The following SPATA17 variants were observed in gnomAD, a reference collection of about 807,000 sequenced individuals.
SPATA17 encodes the protein spermatogenesis associated 17.
Under a neutral mutation model 62.2 loss-of-function variants are expected in SPATA17, and 53 were observed. The observed-to-expected ratio is 0.85, with a 90% CI of 0.68 to 1.07. SPATA17 has a LOEUF of 1.07. Ranked by LOEUF, SPATA17 falls within the 50% of genes least tolerant of loss-of-function variation. The pLI is 0.00. For missense variants in SPATA17, 466 were observed against 425.5 expected (o/e 1.10, Z -0.84); for synonymous variants, 146 against 146.8 (o/e 0.99, Z 0.04).
chr1:217,750,511 TA>T (rs1431847259), intron 6 of SPATA17, among the ~76,000 whole-genome samples: 5 of 152,182 alleles, frequency 3.3e-5, no homozygotes, highest in African/African-American at 4.8e-5. Flanking sequence ...TGCTATTTAG[TA>T]TCAATTATTA....
intron 5 of SPATA17, 107 bp from the exon 6 acceptor site, chr1:217,741,868 T>A: frequency 8.5e-7 from 1 of 1,181,324 alleles, no homozygotes; most frequent in Non-Finnish European, 1.2e-6. Context: ...CTGATTTGGA[T>A]GGATATGGAT....
At chr1:217,848,380 A>G (rs1436582942) in intron 9 of SPATA17, among the ~76,000 whole-genome samples, 1 of 152,182 alleles carries the variant, frequency 6.6e-6, no homozygotes, top group Admixed American at 6.5e-5. Flanking sequence ...CTCTTATACT[A>G]TCATCTCCAT....
chr1:217,745,240 A>G (rs1479770315), intron 6 of SPATA17, among the ~76,000 whole-genome samples: 1 of 152,194 alleles, frequency 6.6e-6, no homozygotes, highest in African/African-American at 2.4e-5. Flanking sequence ...CTGGTTGGTA[A>G]ACTTCATCAT....
intron 5 of SPATA17, among the ~76,000 whole-genome samples, chr1:217,719,540 T>C (rs1239758210): frequency 6.6e-6 from 1 of 152,236 alleles, no homozygotes; most frequent in African/African-American, 2.4e-5. Context: ...AAGCACTTCA[T>C]ATAAAGTTTA....
intron 3 of SPATA17, among the ~76,000 whole-genome samples, chr1:217,661,139 A>C (rs1049283534): frequency 6.6e-6 from 1 of 152,108 alleles, no homozygotes; most frequent in Non-Finnish European, 1.5e-5. Flanking sequence ...AGATGACAGG[A>C]TTTTCTACCT....
At chr1:217,742,209 A>T (rs1202721317) in intron 6 of SPATA17, 111 bp downstream of exon 6, 1 of 1,369,106 alleles carries the variant, frequency 7.3e-7, no homozygotes, top group East Asian at 2.3e-5. Context: ...TATCACAAAG[A>T]CACTACTTCG....
At chr1:217,701,445 T>A (rs532319636) in intron 5 of SPATA17, among the ~76,000 whole-genome samples, 172 of 151,984 alleles carry the variant, frequency 1.1e-3, no homozygotes, top group African/African-American at 3.9e-3. Flanking sequence ...GAGTGCAATG[T>A]CGTGATCTCG....
At chr1:217,709,337 A>T (rs1671807085) in intron 5 of SPATA17, among the ~76,000 whole-genome samples, 1 of 152,148 alleles carries the variant, frequency 6.6e-6, no homozygotes, top group South Asian at 2.1e-4. Context: ...GTTGTAGTCA[A>T]CCTGTCAGCC....
chr1:217,788,919 T>C (rs939460362), intron 8 of SPATA17, among the ~76,000 whole-genome samples: 1 of 152,208 alleles, frequency 6.6e-6, no homozygotes, highest in African/African-American at 2.4e-5. Flanking sequence ...GCTACCTTGC[T>C]AGGTCAGACT....
chr1:217,774,412 A>G lies in SPATA17; in HGVS notation c.598A>G (p.Thr200Ala), dbSNP rs925468748. The G allele has an allele frequency of 1.5e-5, 25 of 1,613,998 alleles. No homozygotes were observed. The Admixed American group carries it at 3.2e-4, about 20-fold the overall frequency. The change falls in exon 7 of 11, where the codon ACA (threonine) becomes GCA (alanine). Residue 200 changes from threonine to alanine, a missense_variant. Coordinates refer to ENST00000366933, the MANE Select transcript of SPATA17 (RefSeq NM_138796.4). Reference sequence around the variant, plus strand: ...GCAATTACAGAAGGCAAAGCCTTTAACACACCGAAGACCTAAAGTTAAGCA... The same window carrying G: ...GCAATTACAGAAGGCAAAGCCTTTAGCACACCGAAGACCTAAAGTTAAGCA... Reference protein sequence around the residue: ...ELQLQKAKPLTHRRPKVKQKD... With the variant: ...ELQLQKAKPLAHRRPKVKQKD...
chr1:217,636,773 C>T, intron 1 of SPATA17, among the ~76,000 whole-genome samples: 1 of 152,150 alleles, frequency 6.6e-6, no homozygotes, highest in Non-Finnish European at 1.5e-5. Context: ...TTATTTTTCC[C>T]ATTTCTACTT....
chr1:217,787,494 T>C (rs1673898743), intron 8 of SPATA17, among the ~76,000 whole-genome samples: 1 of 152,166 alleles, frequency 6.6e-6, no homozygotes, highest in Non-Finnish European at 1.5e-5. Context: ...TGGTTCTCTC[T>C]TGTTTCTGTT....
At chr1:217,743,223 C>T (rs1456785453) in intron 6 of SPATA17, among the ~76,000 whole-genome samples, 1 of 151,754 alleles carries the variant, frequency 6.6e-6, no homozygotes, top group Non-Finnish European at 1.5e-5. Flanking sequence ...ACTTTAAATA[C>T]TTAGGCAATA....
intron 6 of SPATA17, among the ~76,000 whole-genome samples, chr1:217,760,778 T>C (rs893070709): frequency 1.2e-4 from 18 of 152,226 alleles, no homozygotes; most frequent in Non-Finnish European, 2.2e-4. Flanking sequence ...AGCACCAAAT[T>C]ATCTTGGAGG....
chr1:217,793,129 C>A (rs1445000684), intron 8 of SPATA17, among the ~76,000 whole-genome samples: 1 of 151,706 alleles, frequency 6.6e-6, no homozygotes, highest in Non-Finnish European at 1.5e-5. Flanking sequence ...ATAGTTAAAA[C>A]CTTGGTGGTG....
chr1:217,715,046 T>G (rs147710395), intron 5 of SPATA17, among the ~76,000 whole-genome samples: 31 of 152,272 alleles, frequency 2.0e-4, no homozygotes, highest in African/African-American at 7.0e-4. Context: ...AAGAAACATT[T>G]AAATGAGATT....
intron 4 of SPATA17, among the ~76,000 whole-genome samples, chr1:217,681,156 G>T (rs1390074313): frequency 6.6e-6 from 1 of 151,078 alleles, no homozygotes; most frequent in Non-Finnish European, 1.5e-5. Context: ...GAACCAGGGA[G>T]TTGGAGGTTA....
At position 217,714,488 on chromosome 1, in the gene SPATA17, C is replaced by CT. The variant is rs750665329; in HGVS notation, c.396-27473dup. ...TGAGTTGAACGTGGAAAACGTGTTT[C>CT]TTTTTTTTTTTTTTGAGACAGAGTC... On this transcript the variant is annotated intron_variant, in intron 5 of 10. Coordinates refer to ENST00000366933, the MANE Select transcript of SPATA17 (RefSeq NM_138796.4). 2.5e-3 allele frequency among the ~76,000 whole-genome samples: 300 copies of CT among 121,384 alleles called. 13 individuals carry two copies. Among genetic ancestry groups the CT allele is most frequent in the East Asian group, 0.012 (51 of 4,424 alleles). The allele number at this position is 121,384 out of a possible 152,430, so 79.6% of individuals were successfully genotyped here. A position where few individuals can be genotyped will look rare whatever the true frequency, so the allele number is the denominator to read the frequency against.
At chr1:217,805,793 C>T (rs183906819) in intron 9 of SPATA17, among the ~76,000 whole-genome samples, 270 of 152,238 alleles carry the variant, frequency 1.8e-3, no homozygotes, top group Admixed American at 5.0e-3. Flanking sequence ...CAAAAGATAA[C>T]ATGTATTGGC....
Sources: allele counts gnomAD v4.1 joint callset (sites outside exome capture counted in the v4.1 genomes callset), GRCh38; gene constraint gnomAD v4.1.1; transcripts MANE v1.5; gene names NCBI Gene and HGNC (gene_info 2026-07-23, HGNC 2026-07-21).